Variants in WWOX observed in about 807,000 individuals in gnomAD.
WWOX encodes WW domain containing oxidoreductase.
In WWOX, 69 loss-of-function variants were observed where a neutral mutation model predicts 46.2. That is an observed-to-expected ratio of 1.49 (90% CI 1.23 to 1.82). The LOEUF (loss-of-function observed/expected upper bound fraction) is 1.82. WWOX is among the 40% of genes most tolerant of loss of function. WWOX has a pLI of 0.00. For synonymous variants in WWOX, 359 were observed against 202.6 expected, an observed-to-expected ratio of 1.77 and a Z score of -6.56; for missense variants, 919 against 542.6, an observed-to-expected ratio of 1.69 and a Z score of -6.89.
intron 8 of WWOX, among the ~76,000 whole-genome samples, chr16:79,087,620 A>G (rs746491808): frequency 1.3e-5 from 2 of 152,364 alleles, no homozygotes; most frequent in African/African-American, 2.4e-5. Context: ...TATTGGAGGC[A>G]GAGAAGAATT....
At chr16:79,023,258 G>C (rs1480116024) in intron 8 of WWOX, among the ~76,000 whole-genome samples, 1 of 152,156 alleles carries the variant, frequency 6.6e-6, no homozygotes, top group South Asian at 2.1e-4. Context: ...AAGAATTACT[G>C]TTCTCCCTTT....
intron 8 of WWOX, among the ~76,000 whole-genome samples, chr16:78,737,019 C>A (rs8052108): frequency 0.15 from 22,864 of 151,946 alleles, 2,091 homozygotes; most frequent in African/African-American, 0.25. Flanking sequence ...ATGAGTGGGG[C>A]CCTTGAAATA....
At chr16:78,678,410 A>T (rs2047653938) in intron 8 of WWOX, among the ~76,000 whole-genome samples, 1 of 152,200 alleles carries the variant, frequency 6.6e-6, no homozygotes, top group South Asian at 2.1e-4. Flanking sequence ...GAATAAATGA[A>T]TGAATGGATT....
chr16:78,733,083 C>T (rs1268400958), intron 8 of WWOX, among the ~76,000 whole-genome samples: 17 of 152,128 alleles, frequency 1.1e-4, no homozygotes, highest in Admixed American at 1.0e-3. Context: ...CCCAAACTTC[C>T]GCCTTTTTTG....
intron 8 of WWOX, among the ~76,000 whole-genome samples, chr16:79,008,552 C>T (rs774920166): frequency 2.6e-5 from 4 of 151,690 alleles, no homozygotes; most frequent in Non-Finnish European, 4.4e-5. Context: ...ATCCTGACTA[C>T]CATAGTCTGT....
rs191756456 is a variant in WWOX at position 78,600,573 on chromosome 16, G to T, written c.1056+167821G>T. Among the ~76,000 whole-genome samples the T allele has an allele frequency of 1.5e-4, 23 of 152,236 alleles. No homozygotes were observed. In the East Asian group the frequency reaches 3.9e-3, roughly 26 times the overall value. On this transcript the variant is annotated intron_variant, in intron 8 of 8. Coordinates refer to ENST00000566780, the MANE Select transcript of WWOX (RefSeq NM_016373.4). ...CCTAGGGATCATCATCATTTTGTGGGGCTATAGTCCAGAGAGGTGAAGGAC... is the reference window on the plus strand; with the variant it reads ...CCTAGGGATCATCATCATTTTGTGGTGCTATAGTCCAGAGAGGTGAAGGAC...
intron 8 of WWOX, among the ~76,000 whole-genome samples, chr16:79,139,301 A>T (rs1485514550): frequency 6.6e-6 from 1 of 152,206 alleles, no homozygotes; most frequent in East Asian, 1.9e-4. Flanking sequence ...TTTACAGTCA[A>T]ATTCCAGCTA....
chr16:78,157,279 G>A lies in WWOX; in HGVS notation c.410-6904G>A, dbSNP rs548524582. Among the ~76,000 whole-genome samples, 8 of 152,260 alleles carry A rather than the reference G, an allele frequency of 5.3e-5. No homozygotes were observed. The East Asian group carries it at 1.5e-3, about 29-fold the overall frequency. On this transcript the variant is annotated intron_variant, in intron 4 of 8. Coordinates refer to ENST00000566780, the MANE Select transcript of WWOX (RefSeq NM_016373.4). ...TTGGCATCTCATTAGCCTGATTGAT[G>A]GGGCAGATCAGTCAGCAAGACTTTG...
At chr16:78,333,581 A>C (rs918470638) in intron 5 of WWOX, among the ~76,000 whole-genome samples, 1 of 152,208 alleles carries the variant, frequency 6.6e-6, no homozygotes, top group Admixed American at 6.5e-5. Context: ...CTGCTAAAAC[A>C]TGCATATATA....
chr16:78,261,146 G>T lies in WWOX; in HGVS notation c.516+96857G>T, dbSNP rs970785239. 1.3e-4 allele frequency among the ~76,000 whole-genome samples: 19 copies of T among 150,676 alleles called. 1 individual carries two copies. Among genetic ancestry groups the T allele is most frequent in the African/African-American group, 4.4e-4 (18 of 40,870 alleles). ...TTTTTTAAGTAAAATGAAACAACTT[G>T]ACATTTTAGCATAGAATGTTTATAT... On this transcript the variant is annotated intron_variant, in intron 5 of 8. Transcript: ENST00000566780.
intron 8 of WWOX, among the ~76,000 whole-genome samples, chr16:78,568,835 G>A (rs1243889126): frequency 6.6e-6 from 1 of 152,212 alleles, no homozygotes; most frequent in Non-Finnish European, 1.5e-5. Context: ...ATACTAGTGT[G>A]TGCAAGTAAG....
chr16:78,792,877 C>A (rs937208260), intron 8 of WWOX, among the ~76,000 whole-genome samples: 1 of 152,120 alleles, frequency 6.6e-6, no homozygotes, highest in African/African-American at 2.4e-5. Flanking sequence ...GTAACAGAAT[C>A]CACACTAGAA....
intron 8 of WWOX, among the ~76,000 whole-genome samples, chr16:78,807,803 T>C (rs2051082552): frequency 6.6e-6 from 1 of 152,252 alleles, no homozygotes; most frequent in Non-Finnish European, 1.5e-5. Flanking sequence ...CACATGTGGC[T>C]ATTTAAACTG....
chr16:78,945,783 T>G (rs2045937299), intron 8 of WWOX, among the ~76,000 whole-genome samples: 1 of 152,158 alleles, frequency 6.6e-6, no homozygotes, highest in South Asian at 2.1e-4. Context: ...GGTATGTGTA[T>G]TATGTTCTTG....
chr16:78,644,089 G>A (rs142031908), intron 8 of WWOX, among the ~76,000 whole-genome samples: 1 of 152,212 alleles, frequency 6.6e-6, no homozygotes, highest in African/African-American at 2.4e-5. Context: ...AGACATGGTG[G>A]TGCATGCCTG....
chr16:78,707,410 C>G (rs1172571833), intron 8 of WWOX, among the ~76,000 whole-genome samples: 1 of 152,184 alleles, frequency 6.6e-6, no homozygotes, highest in Non-Finnish European at 1.5e-5. Context: ...AGCATTGCTC[C>G]TTTTTATGCA....
intron 5 of WWOX, among the ~76,000 whole-genome samples, chr16:78,223,816 C>T (rs55646612): frequency 0.11 from 16,941 of 152,096 alleles, 1,084 homozygotes; most frequent in Admixed American, 0.19. Context: ...TCCAAAACAG[C>T]AGCACAACAA....
intron 8 of WWOX, among the ~76,000 whole-genome samples, chr16:78,455,789 G>A (rs1381619720): frequency 1.0e-4 from 13 of 128,924 alleles, no homozygotes; most frequent in African/African-American, 3.9e-4. Context: ...GGGAGGTGAA[G>A]GTTAAAAAAA....
chr16:78,466,263 C>T (rs938906871), intron 8 of WWOX, among the ~76,000 whole-genome samples: 1 of 152,004 alleles, frequency 6.6e-6, no homozygotes, highest in Non-Finnish European at 1.5e-5. Context: ...GATCTCCTGA[C>T]CTTTTGATCA....
Sources: gnomAD v4.1 joint callset for allele counts (sites outside exome capture counted in the v4.1 genomes callset) on GRCh38, gnomAD v4.1.1 for gene constraint, MANE v1.5 for transcripts, NCBI Gene and HGNC (gene_info 2026-07-23, HGNC 2026-07-21) for gene names.